Variants in KCND3 observed in about 807,000 individuals in gnomAD.
KCND3 encodes potassium voltage-gated channel subfamily D member 3.
In KCND3, 9 loss-of-function variants were observed where a neutral mutation model predicts 51.1. That is an observed-to-expected ratio of 0.18 (90% CI 0.11 to 0.31). The LOEUF (loss-of-function observed/expected upper bound fraction) is 0.31, where lower values mean the gene tolerates loss of function less well. KCND3 is among the 10% of genes least tolerant of loss of function. KCND3 has a pLI of 1.00. For synonymous variants in KCND3, 349 were observed against 368.0 expected, an observed-to-expected ratio of 0.95 and a Z score of 0.59; for missense variants, 526 against 903.8, an observed-to-expected ratio of 0.58 and a Z score of 5.36.
chr1:111,956,820 T>C (rs1207724608), intron 2 of KCND3, among the ~76,000 whole-genome samples: 4 of 152,184 alleles, frequency 2.6e-5, no homozygotes, highest in African/African-American at 9.6e-5. Flanking sequence ...ACAGTAGCCC[T>C]ATCCCTCCCT....
chr1:111,822,835 G>A (rs922764655), intron 2 of KCND3, among the ~76,000 whole-genome samples: 5 of 152,200 alleles, frequency 3.3e-5, no homozygotes, highest in African/African-American at 1.2e-4. Flanking sequence ...AGGAAATGGA[G>A]AAGGCAAAAA....
At chr1:111,874,094 C>A (rs1224161223) in intron 2 of KCND3, among the ~76,000 whole-genome samples, 8 of 152,184 alleles carry the variant, frequency 5.3e-5, no homozygotes, top group African/African-American at 1.4e-4. Flanking sequence ...TTAATTGCTG[C>A]GCACTCACAG....
intron 2 of KCND3, among the ~76,000 whole-genome samples, chr1:111,973,943 G>A (rs949348238): frequency 6.6e-6 from 1 of 152,138 alleles, no homozygotes; most frequent in East Asian, 1.9e-4. Context: ...TGTATGAGGT[G>A]GCACTTATAT....
chr1:111,948,508 C>T (rs1015073018), intron 2 of KCND3, among the ~76,000 whole-genome samples: 3 of 152,192 alleles, frequency 2.0e-5, no homozygotes, highest in Non-Finnish European at 4.4e-5. Context: ...GGCTGTTCTG[C>T]CTTCTACTTT....
chr1:111,950,990 G>T (rs1395778423), intron 2 of KCND3, among the ~76,000 whole-genome samples: 1 of 151,958 alleles, frequency 6.6e-6, no homozygotes, highest in Non-Finnish European at 1.5e-5. Context: ...GGCTAACATG[G>T]TGAAACCCTG....
At chr1:111,961,975 G>A (rs527276597) in intron 2 of KCND3, among the ~76,000 whole-genome samples, 5 of 152,088 alleles carry the variant, frequency 3.3e-5, no homozygotes, top group East Asian at 1.9e-4. Context: ...TTGCTGGCAC[G>A]CCATCTGGTA....
At chr1:111,929,316 T>C (rs1251740788) in intron 2 of KCND3, among the ~76,000 whole-genome samples, 1 of 152,112 alleles carries the variant, frequency 6.6e-6, no homozygotes, top group Non-Finnish European at 1.5e-5. Flanking sequence ...ACCCAAGTGG[T>C]TTCCAGATGC....
At chr1:111,790,220 C>A (rs888365911) in intron 2 of KCND3, among the ~76,000 whole-genome samples, 3 of 152,176 alleles carry the variant, frequency 2.0e-5, no homozygotes, top group Non-Finnish European at 4.4e-5. Flanking sequence ...AGTTAAGTGA[C>A]CCTGGGGCAT....
At chr1:111,864,842 T>A (rs575125317) in intron 2 of KCND3, among the ~76,000 whole-genome samples, 41 of 152,162 alleles carry the variant, frequency 2.7e-4, no homozygotes, top group African/African-American at 9.2e-4. Flanking sequence ...GTAGTGTGCA[T>A]GTTTGTGTGT....
chr1:111,849,963 A>T (rs1667732883), intron 2 of KCND3, among the ~76,000 whole-genome samples: 2 of 151,994 alleles, frequency 1.3e-5, no homozygotes, highest in Admixed American at 1.3e-4. Context: ...CATATCTTCC[A>T]TCGGATCTCC....
At position 111,780,861 on chromosome 1, in the gene KCND3, C is replaced by A; in HGVS notation, c.1270-70G>T. ...CAAAAAGACAGCAAGGCTGGTGAAG[C>A]TGTGAGGCTGGCTTCCCAGGTGACA... On this transcript the variant is annotated intron_variant, in intron 3 of 7. Transcript: ENST00000302127. This position sits in a 1 kb window ranked among gnomAD's most constrained non-coding sequence, Gnocchi z 4.2. The A allele has an allele frequency of 5.2e-6, 7 of 1,357,814 alleles. No individual in the cohort carries two copies. The highest frequency in any genetic ancestry group is 7.2e-6 in the Non-Finnish European group (7 of 970,894). 84.1% of individuals were successfully genotyped at this position (1,357,814 alleles called of 1,614,324 possible). A position where few individuals can be genotyped will look rare whatever the true frequency, so the allele number is the denominator to read the frequency against.
intron 2 of KCND3, among the ~76,000 whole-genome samples, chr1:111,895,689 A>G (rs891005382): frequency 5.3e-5 from 8 of 152,210 alleles, no homozygotes; most frequent in African/African-American, 1.9e-4. Flanking sequence ...ATATGCTCAG[A>G]ATGCGCTAGC....
At chr1:111,914,298 G>A (rs1027579225) in intron 2 of KCND3, among the ~76,000 whole-genome samples, 11 of 149,236 alleles carry the variant, frequency 7.4e-5, no homozygotes, top group Admixed American at 2.0e-4. Flanking sequence ...CCATAGCATC[G>A]GTGACCTGTA....
intron 2 of KCND3, among the ~76,000 whole-genome samples, chr1:111,804,544 A>T (rs1281607286): frequency 6.6e-6 from 1 of 152,224 alleles, no homozygotes; most frequent in African/African-American, 2.4e-5. Context: ...AGGCTTCCTC[A>T]GCAGCCCTGC....
chr1:111,832,171 G>T (rs1296586286), intron 2 of KCND3, among the ~76,000 whole-genome samples: 2 of 152,154 alleles, frequency 1.3e-5, no homozygotes, highest in African/African-American at 2.4e-5. Context: ...CCCACATTGG[G>T]TCTACACCTT....
chr1:111,788,597 T>C (rs1664705225), intron 2 of KCND3, among the ~76,000 whole-genome samples: 2 of 152,322 alleles, frequency 1.3e-5, no homozygotes, highest in Middle Eastern at 3.4e-3. Context: ...TTCATGCCCT[T>C]TGCCCTGGCT....
chr1:111,982,841 C>A lies in KCND3; in HGVS notation c.-72-43G>T. On this transcript the variant is annotated intron_variant, in intron 1 of 7. Transcript: ENST00000302127. The surrounding 1 kb of genome is among the most constrained non-coding windows in gnomAD (Gnocchi z 8.5). Reference sequence around the variant, plus strand: ...AGAGAGAGAAGCGGTGAGTCCATATCGACTGGCAGGTAAGAAATGGGACAC... The same window carrying A: ...AGAGAGAGAAGCGGTGAGTCCATATAGACTGGCAGGTAAGAAATGGGACAC... 1.4e-6 allele frequency: 2 copies of A among 1,407,182 alleles called. No homozygotes were observed. Among genetic ancestry groups the A allele is most frequent in the Non-Finnish European group, 1.9e-6 (2 of 1,033,394 alleles). 87.2% of individuals were successfully genotyped at this position (1,407,182 alleles called of 1,614,324 possible).
chr1:111,980,203 A>AGTGTGTGTGTGTGTGT (rs58988523), intron 2 of KCND3, among the ~76,000 whole-genome samples: 397 of 143,034 alleles, frequency 2.8e-3, no homozygotes, highest in Admixed American at 5.0e-3. Flanking sequence ...CCATTTGAAG[A>AGTGTGTGTGTGTGTGT]GTGTGTGTGT....
intron 2 of KCND3, among the ~76,000 whole-genome samples, chr1:111,791,204 G>C (rs1664809803): frequency 6.6e-6 from 1 of 152,192 alleles, no homozygotes; most frequent in Non-Finnish European, 1.5e-5. Context: ...GACAACACTT[G>C]TTATTGTCCG....
Sources: gnomAD v4.1 joint callset for allele counts (sites outside exome capture counted in the v4.1 genomes callset) on GRCh38, gnomAD v4.1.1 for gene constraint, Gnocchi (gnomAD v3.1) non-coding constraint, MANE v1.5 for transcripts, NCBI Gene and HGNC (gene_info 2026-07-23, HGNC 2026-07-21) for gene names.